The following TNFRSF11A variants were observed in gnomAD, a reference collection of about 807,000 sequenced individuals.
TNFRSF11A encodes the protein tumor necrosis factor receptor superfamily member 11A.
A neutral mutation model predicts 55.7 loss-of-function variants in TNFRSF11A; 32 were observed. The ratio of observed to expected loss-of-function variants is 0.57; its 90% CI spans 0.43 to 0.77. The LOEUF (loss-of-function observed/expected upper bound fraction) is 0.77, where lower values mean the gene tolerates loss of function less well. Ranked by LOEUF, TNFRSF11A falls within the 30% of genes least tolerant of loss-of-function variation. The pLI is 0.00. For missense variants in TNFRSF11A, 753 were observed against 809.8 expected, an observed-to-expected ratio of 0.93 and a Z score of 0.85; for synonymous variants, 311 against 331.0, an observed-to-expected ratio of 0.94 and a Z score of 0.65.
At chr18:62,381,628 AATCTC>A (rs1313876408) in intron 9 of TNFRSF11A, among the ~76,000 whole-genome samples, 3 of 152,196 alleles carry the variant, frequency 2.0e-5, no homozygotes, top group African/African-American at 7.2e-5. Context: ...TTTTGCATTT[AATCTC>A]ATCTCTTCTT....
At position 62,349,854 on chromosome 18, in the gene TNFRSF11A, T is replaced by C. The variant is rs1412030915; in HGVS notation, c.200T>C (p.Val67Ala). Residue 67 changes from valine (V) to alanine (A), a missense_variant, in exon 3 of 10, where the codon GTA (valine) becomes GCA (alanine). By Grantham distance (64) the Val-to-Ala change is moderately conservative. This residue lies in a region of TNFRSF11A where 156 missense variants were observed against 155.1 expected (regional missense o/e 1.01). Transcript: ENST00000586569. Reference protein sequence around the residue: ...SSKCTTTSDSVCLPCGPDEYL... With the variant: ...SSKCTTTSDSACLPCGPDEYL... ...AAATGCACTACTACCTCTGACAGTG[T>C]ATGTCTGCCCTGTGGCCCGGATGAA... is the stretch of plus-strand genomic sequence containing the variant. 2 of 1,614,150 alleles carry C rather than the reference T, an allele frequency of 1.2e-6. No homozygotes were observed. The highest frequency in any genetic ancestry group is 1.1e-5 in the South Asian group (1 of 91,088).
intron 5 of TNFRSF11A, among the ~76,000 whole-genome samples, chr18:62,359,607 G>A (rs1909521145): frequency 6.6e-6 from 1 of 152,104 alleles, no homozygotes; most frequent in Non-Finnish European, 1.5e-5. Context: ...TCTAATTCCT[G>A]GGCTCAAGCA....
At chr18:62,347,136 A>G (rs2046394952) in intron 1 of TNFRSF11A, among the ~76,000 whole-genome samples, 1 of 152,020 alleles carries the variant, frequency 6.6e-6, no homozygotes, top group African/African-American at 2.4e-5. Context: ...CCCATCTGGT[A>G]TGTGTTTCAT....
rs1354507528 is a variant in TNFRSF11A, at chr18:62,383,929, C to T, written c.1568-822C>T. Among the ~76,000 whole-genome samples, 1 of 152,012 alleles carries T rather than the reference C, an allele frequency of 6.6e-6. No individual in the cohort carries two copies. The highest frequency in any genetic ancestry group is 2.4e-5 in the African/African-American group (1 of 41,380). ...CACGTGGCCCCATGATCCTCCAGGG[C>T]TGAGTTGTTAGGGACCATGAGGAAC... On this transcript the variant is annotated intron_variant, in intron 9 of 9. Coordinates refer to ENST00000586569, the MANE Select transcript of TNFRSF11A (RefSeq NM_003839.4). The surrounding 1 kb of genome is among the most constrained non-coding windows in gnomAD (Gnocchi z 4.2).
Position 62,325,362 on chromosome 18 carries a change from C to A in TNFRSF11A, c.10C>A (p.Arg4Ser), listed in dbSNP as rs2046055325. 1 of 1,031,482 alleles carries A rather than the reference C, an allele frequency of 9.7e-7. No homozygotes were observed. Among genetic ancestry groups the A allele is most frequent in the Non-Finnish European group, 1.2e-6 (1 of 863,856 alleles). The allele number at this position is 1,031,482 out of a possible 1,614,324, so 63.9% of individuals were successfully genotyped here. The change falls in exon 1 of 10, where the codon CGC becomes AGC. Residue 4 changes from arginine (R) to serine (S), a missense_variant. Physicochemically the swap from Arg to Ser is moderately radical, Grantham distance 110 (BLOSUM62 -1). This residue lies in a region of TNFRSF11A where 156 missense variants were observed against 155.1 expected (regional missense o/e 1.01). Transcript: ENST00000586569. This position sits in a 1 kb window ranked among gnomAD's most constrained non-coding sequence, Gnocchi z 4.7. ...CAGCCTGTCCCGCGCCATGGCCCCGCGCGCCCGGCGGCGCCGCCCGCTGTT... is the reference window on the plus strand; with the variant it reads ...CAGCCTGTCCCGCGCCATGGCCCCGAGCGCCCGGCGGCGCCGCCCGCTGTT... Reference protein sequence around the residue: MAPRARRRRPLFAL... With the variant: MAPSARRRRPLFAL...
intron 4 of TNFRSF11A, 129 bp from the exon 5 acceptor site, chr18:62,358,119 G>A: frequency 1.2e-6 from 1 of 821,554 alleles, no homozygotes. Context: ...ACAGGGGTGG[G>A]AGGTGAGGGC....
At chr18:62,335,923 C>T (rs1276533806) in intron 1 of TNFRSF11A, among the ~76,000 whole-genome samples, 2 of 152,208 alleles carry the variant, frequency 1.3e-5, no homozygotes. Context: ...CTGTTCCAGT[C>T]TCCTTATCAC....
chr18:62,350,582 G>A (rs1334393514), intron 3 of TNFRSF11A, among the ~76,000 whole-genome samples: 7 of 152,112 alleles, frequency 4.6e-5, no homozygotes, highest in Non-Finnish European at 1.0e-4. Context: ...GTGAGCCACC[G>A]TGCCCGGCCT....
Position 62,383,682 on chromosome 18 carries a change from G to C in TNFRSF11A, c.1568-1069G>C, listed in dbSNP as rs1911452892. Among the ~76,000 whole-genome samples the C allele has an allele frequency of 6.6e-6, 1 of 151,992 alleles. No homozygotes were observed. Among genetic ancestry groups the C allele is most frequent in the African/African-American group, 2.4e-5 (1 of 41,380 alleles). ...GGTTGCCTAACATTTGTTGGACTTT[G>C]TTTGTTTTTCAAAAGGCCCGTTGCT... On this transcript the variant is annotated intron_variant, in intron 9 of 9. Transcript: ENST00000586569. This position sits in a 1 kb window ranked among gnomAD's most constrained non-coding sequence, Gnocchi z 4.2.
chr18:62,388,615 T>G lies in TNFRSF11A; in HGVS notation c.*3581T>G, dbSNP rs991333567. On this transcript the variant is annotated 3_prime_UTR_variant, in exon 10 of 10. Coordinates refer to ENST00000586569, the MANE Select transcript of TNFRSF11A (RefSeq NM_003839.4). ...CAGCCCCTAACCAGTGAGTAGCTCC[T>G]TCTCTGGTGATTGAATTCCCTTAAT... The G allele has an allele frequency of 6.6e-6, 1 of 152,276 alleles. No homozygotes were observed. The highest frequency in any genetic ancestry group is 6.5e-5 in the Admixed American group (1 of 15,290). 9.4% of individuals were successfully genotyped at this position (152,276 alleles called of 1,614,324 possible).
intron 1 of TNFRSF11A, among the ~76,000 whole-genome samples, chr18:62,341,802 A>G (rs17069840): frequency 0.078 from 9,716 of 124,188 alleles, 682 homozygotes; most frequent in East Asian, 0.37. Context: ...AATTAGCACT[A>G]TTGTACAGGT....
intron 1 of TNFRSF11A, chr18:62,336,349 ACC>A (rs2046232992): frequency 6.6e-6 from 1 of 152,330 alleles, no homozygotes; most frequent in East Asian, 1.9e-4. Flanking sequence ...ACTGGATTTC[ACC>A]CTGAAGGCTG....
chr18:62,380,546 C>G (rs964312907), intron 9 of TNFRSF11A, among the ~76,000 whole-genome samples: 1 of 150,276 alleles, frequency 6.7e-6, no homozygotes, highest in African/African-American at 2.5e-5. Flanking sequence ...ACGCCATTCT[C>G]CTGCCTCAGC....
rs1600417669 is a variant in TNFRSF11A, at chr18:62,376,155, C to T, written c.1567+6671C>T. 6.6e-5 allele frequency among the ~76,000 whole-genome samples: 10 copies of T among 152,206 alleles called. No individual in the cohort carries two copies. The South Asian group carries it at 1.7e-3, about 25-fold the overall frequency. On this transcript the variant is annotated intron_variant, in intron 9 of 9. Transcript: ENST00000586569. ...AGGAGGGACAGTAGGATGCACAGTG[C>T]GTGATGGTCCCCTGGTTATGGTGAG...
Position 62,336,956 on chromosome 18 carries a change from C to T in TNFRSF11A, c.76-11212C>T, listed in dbSNP as rs141569357. On this transcript the variant is annotated intron_variant, in intron 1 of 9. Transcript: ENST00000586569. ...TAAAAATCAACAGACCATTGATGGG[C>T]GCCTGAGTCAGTGCTGTGCGCTTTC... is the stretch of plus-strand genomic sequence containing the variant. Among the ~76,000 whole-genome samples, 330 of 152,162 alleles carry T rather than the reference C, an allele frequency of 2.2e-3. 2 individuals carry two copies. Among genetic ancestry groups the T allele is most frequent in the African/African-American group, 7.5e-3 (311 of 41,506 alleles).
Position 62,390,088 on chromosome 18 carries a change from TC to T in TNFRSF11A, c.*5057del, listed in dbSNP as rs1302910443. 6.6e-6 allele frequency: 1 copy of T among 152,204 alleles called. No homozygotes were observed. The highest frequency in any genetic ancestry group is 2.4e-5 in the African/African-American group (1 of 41,422). 9.4% of individuals were successfully genotyped at this position (152,204 alleles called of 1,614,324 possible). ...TCTGACTGTCCTACACTACTTTCCCTCCCTGTCTCTGACACTTGTTCATTCC... is the reference window on the plus strand; with the variant it reads ...TCTGACTGTCCTACACTACTTTCCCTCCTGTCTCTGACACTTGTTCATTCC... On this transcript the variant is annotated 3_prime_UTR_variant, in exon 10 of 10. Coordinates refer to ENST00000586569, the MANE Select transcript of TNFRSF11A (RefSeq NM_003839.4).
At chr18:62,355,008 G>T (rs766994991) in intron 4 of TNFRSF11A, among the ~76,000 whole-genome samples, 2 of 152,208 alleles carry the variant, frequency 1.3e-5, no homozygotes, top group Admixed American at 6.5e-5. Flanking sequence ...TTATAACTGC[G>T]ATAACACTGA....
chr18:62,388,900 A>G lies in TNFRSF11A; in HGVS notation c.*3866A>G, dbSNP rs1487149460. 6.6e-6 allele frequency: 1 copy of G among 152,204 alleles called. No homozygotes were observed. Among genetic ancestry groups the G allele is most frequent in the Non-Finnish European group, 1.5e-5 (1 of 68,030 alleles). The allele number at this position is 152,204 out of a possible 1,614,324, so 9.4% of individuals were successfully genotyped here. ...CACCCTTCACCTCAGCTCAACAAAC[A>G]AACTCTTGTTACGATTATACAAGGG... is the stretch of plus-strand genomic sequence containing the variant. On this transcript the variant is annotated 3_prime_UTR_variant, in exon 10 of 10. Transcript: ENST00000586569.
intron 9 of TNFRSF11A, among the ~76,000 whole-genome samples, chr18:62,375,493 C>A (rs1242054457): frequency 6.6e-6 from 1 of 152,106 alleles, no homozygotes; most frequent in Non-Finnish European, 1.5e-5. Flanking sequence ...TTTTGGGTAG[C>A]CTTCAAATTT....
Sources: gnomAD v4.1 joint callset for allele counts (sites outside exome capture counted in the v4.1 genomes callset) on GRCh38, gnomAD v4.1.1 for gene constraint, gnomAD v4.1.1 regional missense constraint, Gnocchi (gnomAD v3.1) non-coding constraint, MANE v1.5 for transcripts, NCBI Gene and HGNC (gene_info 2026-07-23, HGNC 2026-07-21) for gene names.